DRC10: variants seen among roughly 807,000 people sequenced by gnomAD.
DRC10 encodes IQ domain-containing protein D.
chr12:113,201,551 T>C, the DRC10 span, among the ~76,000 whole-genome samples: 1 of 152,198 alleles, frequency 6.6e-6, no homozygotes, highest in South Asian at 2.1e-4. Context: ...AGGTGTGCGA[T>C]GAACACAGGC....
the DRC10 span, among the ~76,000 whole-genome samples, chr12:113,203,521 G>C: frequency 6.7e-6 from 1 of 148,924 alleles, no homozygotes; most frequent in Non-Finnish European, 1.5e-5. Flanking sequence ...TGTCGCACAG[G>C]CTGGAGTATG....
chr12:113,208,170 G>T, the DRC10 span: 1 of 1,609,122 alleles, frequency 6.2e-7, no homozygotes, highest in African/African-American at 1.3e-5. Context: ...AAGCCATCTT[G>T]TGAGCAGCCC....
At chr12:113,206,297 C>A in the DRC10 span, among the ~76,000 whole-genome samples, 2 of 152,134 alleles carry the variant, frequency 1.3e-5, no homozygotes, top group African/African-American at 4.8e-5. Flanking sequence ...CCTTGGCATA[C>A]CTGAACCGGT....
chr12:113,208,804 A>G, the DRC10 span, among the ~76,000 whole-genome samples: 2 of 152,298 alleles, frequency 1.3e-5, no homozygotes, highest in Admixed American at 1.3e-4. Flanking sequence ...CCAACTGACA[A>G]GCAGCCTGGG....
the DRC10 span, among the ~76,000 whole-genome samples, chr12:113,202,443 A>G: frequency 6.6e-6 from 1 of 152,180 alleles, no homozygotes; most frequent in South Asian, 2.1e-4. Flanking sequence ...GGGGATAGAA[A>G]CAGAAGGGCC....
chr12:113,200,061 T>C, the DRC10 span: 2 of 258,196 alleles, frequency 7.7e-6, no homozygotes, highest in Non-Finnish European at 1.5e-5. Context: ...AGAAATGATA[T>C]TTATTGAACA....
chr12:113,199,722 G>T, the DRC10 span, among the ~76,000 whole-genome samples: 645 of 147,366 alleles, frequency 4.4e-3, 1 homozygote, highest in African/African-American at 0.016. Flanking sequence ...AAGGTTTTGG[G>T]TTTTTTTTTT....
the DRC10 span, chr12:113,208,209 G>A: frequency 6.4e-7 from 1 of 1,564,338 alleles, no homozygotes; most frequent in Non-Finnish European, 8.6e-7. Flanking sequence ...CACAGAGATG[G>A]AGACTTCGGT....
chr12:113,211,024 G>A, the DRC10 span, among the ~76,000 whole-genome samples: 1 of 152,180 alleles, frequency 6.6e-6, no homozygotes, highest in African/African-American at 2.4e-5. Flanking sequence ...AATTGGGAGA[G>A]GAGAGGACAT....
the DRC10 span, chr12:113,207,721 T>C: frequency 1.7e-5 from 27 of 1,614,036 alleles, no homozygotes; most frequent in South Asian, 6.6e-5. Flanking sequence ...GGTGGAGTCT[T>C]TGATCTGCTG....
the DRC10 span, chr12:113,208,039 T>G: frequency 1.2e-6 from 2 of 1,614,220 alleles, no homozygotes; most frequent in Non-Finnish European, 1.7e-6. Context: ...GGTGGTGAGT[T>G]TGGTCCTAGA....
At chr12:113,197,991 C>G in the DRC10 span, among the ~76,000 whole-genome samples, 6 of 152,110 alleles carry the variant, frequency 3.9e-5, no homozygotes, top group Non-Finnish European at 7.3e-5. Context: ...CTGAGGCAGG[C>G]GGGTCACTTG....
chr12:113,211,272 A>G, the DRC10 span, among the ~76,000 whole-genome samples: 1 of 152,104 alleles, frequency 6.6e-6, no homozygotes, highest in Admixed American at 6.6e-5. Flanking sequence ...ATTTTTGTAG[A>G]TATAGGGTCT....
the DRC10 span, among the ~76,000 whole-genome samples, chr12:113,210,604 G>T: frequency 0.027 from 2,316 of 84,274 alleles, 69 homozygotes; most frequent in East Asian, 0.22. Flanking sequence ...TCTTAAAAAA[G>T]AAAAAAAGAA....
At chr12:113,201,542 G>T in the DRC10 span, among the ~76,000 whole-genome samples, 1 of 152,190 alleles carries the variant, frequency 6.6e-6, no homozygotes, top group Non-Finnish European at 1.5e-5. Context: ...GGTGCATGAA[G>T]GTGTGCGATG....
the DRC10 span, among the ~76,000 whole-genome samples, chr12:113,212,806 C>A: frequency 1.6e-4 from 25 of 152,060 alleles, no homozygotes; most frequent in Non-Finnish European, 3.5e-4. Context: ...ATTTCATGTC[C>A]TTTTTAATGC....
chr12:113,203,515 G>A, the DRC10 span, among the ~76,000 whole-genome samples: 5,653 of 137,460 alleles, frequency 0.041, 136 homozygotes, highest in Non-Finnish European at 0.049. Context: ...TCACTCTGTC[G>A]CACAGGCTGG....
the DRC10 span, chr12:113,197,754 CAG>C: frequency 1.2e-3 from 753 of 647,902 alleles, 5 homozygotes; most frequent in Non-Finnish European, 1.2e-3. Context: ...CTCCATTTCA[CAG>C]GGGAGAGAAC....
chr12:113,196,104 A>T, the DRC10 span, among the ~76,000 whole-genome samples: 1 of 152,210 alleles, frequency 6.6e-6, no homozygotes, highest in African/African-American at 2.4e-5. Flanking sequence ...AATTTCAGGA[A>T]CAGGAAAAGA....
Sources: gnomAD v4.1 joint callset for allele counts (sites outside exome capture counted in the v4.1 genomes callset) on GRCh38, gnomAD v4.1.1 for gene constraint, MANE v1.5 for transcripts, NCBI Gene and HGNC (gene_info 2026-07-23, HGNC 2026-07-21) for gene names.